Variants in DMD observed in about 807,000 individuals in gnomAD.
DMD encodes mutant dystrophin.
In DMD, 63 loss-of-function variants were observed where a neutral mutation model predicts 330.1. The ratio of observed to expected loss-of-function variants is 0.19; its 90% CI spans 0.16 to 0.24. The LOEUF is 0.24. DMD is among the 10% of genes least tolerant of loss of function. The pLI, the probability that DMD is intolerant of heterozygous loss-of-function variation, is 1.00. For synonymous variants in DMD, 1,223 were observed against 959.8 expected (o/e 1.27, Z -5.07); for missense variants, 3,344 against 2,684.1 (o/e 1.25, Z -5.43).
rs1369283332 is a variant in DMD, at chrX:32,859,465, A to T, written c.94-9645T>A. On this transcript the variant is annotated intron_variant, in intron 2 of 78. Transcript: ENST00000357033. The stretch of plus-strand genomic sequence containing the variant: ...CCTTTGTGACGAAGCAAGATCTCAC[A>T]CACACACACACACACACACACACAC... Among the ~76,000 whole-genome samples the T allele has an allele frequency of 2.7e-4, 9 of 33,322 alleles. No individual in the cohort carries two copies. The South Asian group carries it at 4.0e-3, about 15-fold the overall frequency. 28.9% of individuals were successfully genotyped at this position (33,322 alleles called of 115,157 possible). A position where few individuals can be genotyped will look rare whatever the true frequency, so the allele number is the denominator to read the frequency against.
chrX:32,949,728 A>C (rs113004357), intron 2 of DMD, among the ~76,000 whole-genome samples: 3,520 of 111,426 alleles, frequency 0.032, 131 homozygotes, highest in African/African-American at 0.11. Flanking sequence ...AAAAATACTG[A>C]TGATTACAAT....
At chrX:32,901,698 T>C (rs1282063144) in intron 2 of DMD, among the ~76,000 whole-genome samples, 1 of 111,123 alleles carries the variant, frequency 9.0e-6, no homozygotes, top group African/African-American at 3.3e-5. Flanking sequence ...TTGGTAGCAC[T>C]ACTAATAATA....
upstream of DMD, among the ~76,000 whole-genome samples, chrX:33,212,422 T>A (rs1569558645): frequency 8.9e-6 from 1 of 111,877 alleles, no homozygotes; most frequent in Non-Finnish European, 1.9e-5. Context: ...TTGTTCCTTA[T>A]TACTTTTATG....
intron 61 of DMD, among the ~76,000 whole-genome samples, chrX:31,329,176 G>A (rs929510302): frequency 8.9e-6 from 1 of 112,303 alleles, no homozygotes; most frequent in Non-Finnish European, 1.9e-5. Context: ...CAACATTTGT[G>A]TACAGGTATT....
chrX:32,150,334 A>C (rs1316037045), intron 44 of DMD, among the ~76,000 whole-genome samples: 1 of 112,410 alleles, frequency 8.9e-6, no homozygotes. Context: ...ATGGAATGTA[A>C]TACTGTGAAG....
Position 32,050,986 on chromosome X carries a change from TTC to T in DMD, c.6439-82474_6439-82473del, listed in dbSNP as rs780600977. On this transcript the variant is annotated intron_variant, in intron 44 of 78. Coordinates refer to ENST00000357033, the MANE Select transcript of DMD (RefSeq NM_004006.3). ...AGGCTAACTTCCTCTTTTTTTTTTTTTCCCCCTAATAGAGACAGGCTCTCACT... is the reference window on the plus strand; with the variant it reads ...AGGCTAACTTCCTCTTTTTTTTTTTTCCCCTAATAGAGACAGGCTCTCACT... Among the ~76,000 whole-genome samples, 14 of 91,469 alleles carry T rather than the reference TTC, an allele frequency of 1.5e-4. 1 individual carries two copies. Among genetic ancestry groups the T allele is most frequent in the Non-Finnish European group, 1.5e-4 (7 of 45,936 alleles). 79.4% of individuals were successfully genotyped at this position (91,469 alleles called of 115,157 possible). A position where few individuals can be genotyped will look rare whatever the true frequency, so the allele number is the denominator to read the frequency against.
chrX:32,059,045 AT>A (rs2096203367), intron 44 of DMD, among the ~76,000 whole-genome samples: 1 of 111,378 alleles, frequency 9.0e-6, no homozygotes, highest in Non-Finnish European at 1.9e-5. Flanking sequence ...AGTAGTCAAA[AT>A]TATAGAAACA....
At chrX:32,383,804 A>G (rs2097940693) in intron 33 of DMD, among the ~76,000 whole-genome samples, 2 of 110,230 alleles carry the variant, frequency 1.8e-5, no homozygotes, top group African/African-American at 6.5e-5. Flanking sequence ...ATAATAATCA[A>G]CTCAGGGCAC....
chrX:32,539,410 C>T (rs2048294946), intron 17 of DMD, among the ~76,000 whole-genome samples: 1 of 110,487 alleles, frequency 9.1e-6, no homozygotes, highest in Admixed American at 9.7e-5. Context: ...AAAAAAGAAG[C>T]AAATCATCTA....
At chrX:33,045,493 T>G (rs1051993844) in intron 1 of DMD, among the ~76,000 whole-genome samples, 2 of 111,573 alleles carry the variant, frequency 1.8e-5, no homozygotes, top group Non-Finnish European at 3.8e-5. Flanking sequence ...AGAGGTCAAC[T>G]GCTTTTAGTG....
At chrX:32,666,015 C>A (rs1197378573) in intron 9 of DMD, among the ~76,000 whole-genome samples, 3 of 110,912 alleles carry the variant, frequency 2.7e-5, no homozygotes, top group Non-Finnish European at 5.7e-5. Flanking sequence ...CATAAGAACT[C>A]AAGAACTGTT....
intron 44 of DMD, among the ~76,000 whole-genome samples, chrX:32,168,474 C>G (rs766168968): frequency 4.4e-4 from 46 of 105,236 alleles, no homozygotes; most frequent in African/African-American, 1.6e-3. Context: ...AGAGTTTAAG[C>G]AGTTTTCATA....
chrX:32,650,173 G>A (rs1207013188), intron 9 of DMD, among the ~76,000 whole-genome samples: 2 of 111,402 alleles, frequency 1.8e-5, no homozygotes, highest in East Asian at 2.8e-4. Flanking sequence ...ACTATGAGAG[G>A]GCACAGTCTA....
At chrX:31,659,184 C>CGTT (rs927534148) in intron 53 of DMD, among the ~76,000 whole-genome samples, 1 of 111,150 alleles carries the variant, frequency 9.0e-6, no homozygotes, top group Admixed American at 9.5e-5. Flanking sequence ...TGCTGGGGAC[C>CGTT]GTTATCTATT....
intron 44 of DMD, among the ~76,000 whole-genome samples, chrX:32,187,955 C>T (rs1319030211): frequency 9.0e-6 from 1 of 110,925 alleles, no homozygotes; most frequent in Non-Finnish European, 1.9e-5. Flanking sequence ...TCTTTTACAA[C>T]TGCAACATAA....
intron 43 of DMD, among the ~76,000 whole-genome samples, chrX:32,235,840 T>G (rs768760623): frequency 9.0e-6 from 1 of 111,240 alleles, no homozygotes; most frequent in African/African-American, 3.3e-5. Flanking sequence ...TGTTTTAGTT[T>G]TAGTGTTTTT....
intron 44 of DMD, among the ~76,000 whole-genome samples, chrX:32,002,796 C>T (rs1270873822): frequency 1.8e-5 from 2 of 110,742 alleles, no homozygotes; most frequent in African/African-American, 6.6e-5. Context: ...GTGAGAGCTC[C>T]GATATCAGTA....
At chrX:31,642,955 T>C (rs751379969) in intron 54 of DMD, among the ~76,000 whole-genome samples, 1 of 112,131 alleles carries the variant, frequency 8.9e-6, no homozygotes, top group Non-Finnish European at 1.9e-5. Context: ...TATATCAAAT[T>C]GTTGAATTAA....
rs1012021443 is a variant in DMD at position 32,770,870 on chromosome X, G to A, written c.649+38623C>T. ...GAAAAATAGAGCAAGGTAAAGAGAG[G>A]GAACAAAAGGCATGGAGAGGTTGGC... On this transcript the variant is annotated intron_variant, in intron 7 of 78. Transcript: ENST00000357033. Among the ~76,000 whole-genome samples the A allele has an allele frequency of 3.6e-5, 4 of 112,015 alleles. No individual in the cohort carries two copies. The East Asian group carries it at 1.1e-3, about 31-fold the overall frequency.
Sources: gnomAD v4.1 joint callset for allele counts (sites outside exome capture counted in the v4.1 genomes callset) on GRCh38, gnomAD v4.1.1 for gene constraint, MANE v1.5 for transcripts, NCBI Gene and HGNC (gene_info 2026-07-23, HGNC 2026-07-21) for gene names.